Variants in MLXIPL observed in about 807,000 individuals in gnomAD.
MLXIPL encodes the protein carbohydrate-responsive element-binding protein.
In MLXIPL, 49 loss-of-function variants were observed where a neutral mutation model predicts 81.5. That is an observed-to-expected ratio of 0.60 (90% CI 0.48 to 0.76). The LOEUF (loss-of-function observed/expected upper bound fraction) is 0.76. Among genes scored for constraint, MLXIPL ranks in the 30% least tolerant of loss-of-function variants. The pLI, the probability that MLXIPL is intolerant of heterozygous loss-of-function variation, is 0.00. For synonymous variants in MLXIPL, 466 were observed against 485.5 expected (o/e 0.96, Z 0.53); for missense variants, 1,053 against 1,167.0 (o/e 0.90, Z 1.42).
chr7:73,620,367 G>T (rs782440080), intron 1 of MLXIPL, among the ~76,000 whole-genome samples: 1 of 151,864 alleles, frequency 6.6e-6, no homozygotes, highest in Non-Finnish European at 1.5e-5. Context: ...TCATGCCATT[G>T]TACTCCAGCT....
chr7:73,616,013 C>A, intron 2 of MLXIPL, 58 bp downstream of exon 2: 1 of 1,443,376 alleles, frequency 6.9e-7, no homozygotes. Context: ...AACCCTCTGG[C>A]AGGAGGGTTG....
the MLXIPL span, among the ~76,000 whole-genome samples, chr7:73,647,674 T>TG: frequency 2.0e-5 from 3 of 152,174 alleles, no homozygotes; most frequent in East Asian, 5.8e-4. Context: ...CGCGCCTCTA[T>TG]GGGCAGAGGG....
chr7:73,616,646 G>A (rs1372727374), intron 1 of MLXIPL, among the ~76,000 whole-genome samples: 1 of 152,018 alleles, frequency 6.6e-6, no homozygotes, highest in African/African-American at 2.4e-5. Flanking sequence ...TCAGGAGTTC[G>A]AGACCAGCCT....
chr7:73,619,212 G>C (rs1387814906), intron 1 of MLXIPL, among the ~76,000 whole-genome samples: 1 of 152,098 alleles, frequency 6.6e-6, no homozygotes, highest in Non-Finnish European at 1.5e-5. Context: ...TGTAATCCCA[G>C]CACTTTGGGA....
chr7:73,622,350 G>A (rs1402835662), intron 1 of MLXIPL, among the ~76,000 whole-genome samples: 3 of 151,976 alleles, frequency 2.0e-5, no homozygotes, highest in African/African-American at 7.2e-5. Flanking sequence ...AAATTAGCTG[G>A]AGGTGGTGGG....
At chr7:73,616,289 C>CT in intron 1 of MLXIPL, 112 bp from the exon 2 acceptor site, 1 of 972,076 alleles carries the variant, frequency 1.0e-6, no homozygotes, top group Non-Finnish European at 1.6e-6. Flanking sequence ...TGAGGGGCCC[C>CT]TCCAAATCTG....
rs562039728 is a variant in MLXIPL at position 73,599,515 on chromosome 7, G to A, written c.1071+11C>T. 6 of 1,612,160 alleles carry A rather than the reference G, an allele frequency of 3.7e-6. No homozygotes were observed. In the African/African-American group the frequency reaches 8.0e-5, roughly 22 times the overall value. On this transcript the variant is annotated intron_variant, in intron 8 of 16. Coordinates refer to ENST00000313375, the MANE Select transcript of MLXIPL (RefSeq NM_032951.3). Reference sequence around the variant, plus strand: ...AGCTACACAGGGCTGGACGGGGTGGGGTGAGCTCACCTGCAGACGGCTGTG... The same window carrying A: ...AGCTACACAGGGCTGGACGGGGTGGAGTGAGCTCACCTGCAGACGGCTGTG...
chr7:73,624,145 C>G lies in MLXIPL; in HGVS notation c.293+55G>C, dbSNP rs191713075. On this transcript the variant is annotated intron_variant, in intron 1 of 16. Transcript: ENST00000313375. ...CCAGCGCGCAGTCCTGCCCCGGACC[C>G]CCCCCCCATCCCCACCTGGAAGCCA... 4.2e-4 allele frequency: 605 copies of G among 1,427,322 alleles called. 27 individuals are homozygous for G. In the South Asian group the frequency reaches 7.0e-3, roughly 17 times the overall value. The allele number at this position is 1,427,322 out of a possible 1,614,324, so 88.4% of individuals were successfully genotyped here. A position where few individuals can be genotyped will look rare whatever the true frequency, so the allele number is the denominator to read the frequency against.
At chr7:73,624,035 C>T (rs1554602910) in intron 1 of MLXIPL, among the ~76,000 whole-genome samples, 165 bp downstream of exon 1, 1 of 150,122 alleles carries the variant, frequency 6.7e-6, no homozygotes, top group Non-Finnish European at 1.5e-5. Flanking sequence ...AGGAGGACCT[C>T]GGGGCTGGGA....
Position 73,603,574 on chromosome 7 carries a change from T to C in MLXIPL, c.901+2114A>G, listed in dbSNP as rs1225849661. Among the ~76,000 whole-genome samples the C allele has an allele frequency of 2.0e-5, 3 of 152,158 alleles. No homozygotes were observed. In the East Asian group the frequency reaches 5.8e-4, roughly 29 times the overall value. On this transcript the variant is annotated intron_variant, in intron 7 of 16. Coordinates refer to ENST00000313375, the MANE Select transcript of MLXIPL (RefSeq NM_032951.3). ...CGCCCCATAGGCCTCCACCTCTTGA[T>C]TGACAGGCCCAGGACCCCGTGGGGA...
chr7:73,622,522 G>T (rs1355254801), intron 1 of MLXIPL, among the ~76,000 whole-genome samples: 1 of 150,396 alleles, frequency 6.6e-6, no homozygotes, highest in African/African-American at 2.4e-5. Context: ...TTTTTTGGTA[G>T]AGACAGGTTC....
At position 73,624,407 on chromosome 7, in the gene MLXIPL, G is replaced by A. The variant is rs782451482; in HGVS notation, c.86C>T (p.Ser29Leu). ...PSPDSDSDTD[S>L]EDPSLRRSAG... is the part of the protein sequence containing the mutation. ...GCTGCGCCGGAGACTCGGGTCCTCC[G>A]AGTCTGTGTCCGAGTCCGAGTCTGG... Residue 29 changes from serine to leucine, a missense_variant, in exon 1 of 17, where the codon TCG (serine) becomes TTG (leucine). Around this residue, in one of 3 missense-constraint regions of MLXIPL, gnomAD observed 226 missense variants for 216.2 expected, o/e 1.05. Coordinates refer to ENST00000313375, the MANE Select transcript of MLXIPL (RefSeq NM_032951.3). 31 of 1,567,792 alleles carry A rather than the reference G, an allele frequency of 2.0e-5. No individual in the cohort carries two copies. The Middle Eastern group carries it at 5.1e-4, about 26-fold the overall frequency.
intron 2 of MLXIPL, chr7:73,609,523 G>T (rs1467011904): frequency 2.6e-5 from 4 of 152,064 alleles, no homozygotes; most frequent in Non-Finnish European, 4.4e-5. Flanking sequence ...GGGATTACAG[G>T]TGTCAGCCAC....
Position 73,607,590 on chromosome 7 carries a change from C to CTCCGGCT in MLXIPL, c.476_482dup (p.Val163GlyfsTer34). The CTCCGGCT allele has an allele frequency of 1.9e-6, 3 of 1,612,790 alleles. No homozygotes were observed. In the South Asian group the frequency reaches 3.3e-5, roughly 18 times the overall value. ...GGCAGGCGGTCCAGAACCCAGCTACCTCCGGCTTCCGGTGCGCATCAGCCT... is the reference window on the plus strand; with the variant it reads ...GGCAGGCGGTCCAGAACCCAGCTACCTCCGGCTTCCGGCTTCCGGTGCGCATCAGCCT... On this transcript the variant is annotated frameshift_variant and splice_region_variant, in exon 3 of 17. Coordinates refer to ENST00000313375, the MANE Select transcript of MLXIPL (RefSeq NM_032951.3). LOFTEE classifies it high-confidence loss of function.
chr7:73,604,400 T>C (rs1372969369), intron 7 of MLXIPL, among the ~76,000 whole-genome samples: 2 of 151,172 alleles, frequency 1.3e-5, no homozygotes, highest in Non-Finnish European at 2.9e-5. Flanking sequence ...AGGGAGGCCC[T>C]GTCTCTTCAA....
intron 2 of MLXIPL, among the ~76,000 whole-genome samples, chr7:73,614,614 G>A (rs1554600391): frequency 6.6e-6 from 1 of 152,152 alleles, no homozygotes; most frequent in Non-Finnish European, 1.5e-5. Flanking sequence ...CCAACACAGG[G>A]CTGGCGGATC....
rs1318509937 is a variant in MLXIPL, at chr7:73,593,625, G to A, written c.*240C>T. On this transcript the variant is annotated 3_prime_UTR_variant, in exon 17 of 17. Transcript: ENST00000313375. ...ATTGAAACACAGCGGTCCAAAGACA[G>A]CGGACGAGTCACCCAAGGTCACGGT... The A allele has an allele frequency of 5.9e-6, 3 of 507,922 alleles. No homozygotes were observed. Among genetic ancestry groups the A allele is most frequent in the Non-Finnish European group, 1.1e-5 (3 of 277,106 alleles). The allele number at this position is 507,922 out of a possible 1,614,324, so 31.5% of individuals were successfully genotyped here.
At chr7:73,607,872 T>TTTTTTTTTTTTG (rs1554598885) in intron 2 of MLXIPL, among the ~76,000 whole-genome samples, 200 bp from the exon 3 acceptor site, 3 of 148,856 alleles carry the variant, frequency 2.0e-5, no homozygotes, top group East Asian at 2.0e-4. Flanking sequence ...TTTTTTTTTT[T>TTTTTTTTTTTTG]GGAGATAGGG....
chr7:73,616,968 G>A (rs1484059879), intron 1 of MLXIPL, among the ~76,000 whole-genome samples: 2 of 152,072 alleles, frequency 1.3e-5, no homozygotes, highest in Non-Finnish European at 2.9e-5. Flanking sequence ...GGTTTGCCTG[G>A]TAGAGAGGGA....
Sources: gnomAD v4.1 joint callset for allele counts (sites outside exome capture counted in the v4.1 genomes callset) on GRCh38, gnomAD v4.1.1 for gene constraint, gnomAD v4.1.1 regional missense constraint, MANE v1.5 for transcripts, NCBI Gene and HGNC (gene_info 2026-07-23, HGNC 2026-07-21) for gene names.